DDX59: variants seen among roughly 807,000 people sequenced by gnomAD.
DDX59 encodes DEAD-box helicase 59.
Under a neutral mutation model 51.9 loss-of-function variants are expected in DDX59, and 30 were observed. The observed-to-expected ratio is 0.58, with a 90% CI of 0.43 to 0.78. The LOEUF is 0.78. Ranked by LOEUF, DDX59 falls within the 30% of genes least tolerant of loss-of-function variation. The pLI is 0.00. For synonymous variants in DDX59, 255 were observed against 253.3 expected, an observed-to-expected ratio of 1.01 and a Z score of -0.06; for missense variants, 672 against 730.8, an observed-to-expected ratio of 0.92 and a Z score of 0.93.
downstream of DDX59, among the ~76,000 whole-genome samples, chr1:200,642,225 G>C (rs182603933): frequency 1.4e-4 from 22 of 152,202 alleles, no homozygotes; most frequent in South Asian, 3.9e-3. Flanking sequence ...ATGTCTGAGA[G>C]TGTATGTGAT....
intron 3 of DDX59, among the ~76,000 whole-genome samples, chr1:200,660,473 C>G (rs1662307506): frequency 6.6e-6 from 1 of 152,004 alleles, no homozygotes; most frequent in African/African-American, 2.4e-5. Context: ...GGTGCTGCAG[C>G]CTGAGGGGCT....
rs1232012978 is a variant in DDX59, at chr1:200,659,127, G to A, written c.973-11C>T. On this transcript the variant is annotated splice_polypyrimidine_tract_variant and intron_variant, in intron 3 of 7. Coordinates refer to ENST00000331314, the MANE Select transcript of DDX59 (RefSeq NM_001031725.6). ...GGTTGCTATGATAACCTAAATAAAA[G>A]AGAAAAAGCAAATTAAAAAAATCAG... is the stretch of plus-strand genomic sequence containing the variant. 6.3e-7 allele frequency: 1 copy of A among 1,599,196 alleles called. No homozygotes were observed. The highest frequency in any genetic ancestry group is 1.3e-5 in the African/African-American group (1 of 74,124).
rs1662707085 is a variant in DDX59, at chr1:200,666,025, A to T, written c.716T>A (p.Leu239Gln). The stretch of plus-strand genomic sequence containing the variant: ...TGCACTGGCCAGAATGTCTCTTCCC[A>T]GAAGTCCCACAGGAATCATCTGCAT... ...IQMQMIPVGL[L>Q]GRDILASADT... Residue 239 changes from leucine to glutamine, a missense_variant, in exon 2 of 8, where the codon CTG becomes CAG. By Grantham distance (113) the Leu-to-Gln change is moderately radical. Coordinates refer to ENST00000331314, the MANE Select transcript of DDX59 (RefSeq NM_001031725.6). The T allele has an allele frequency of 1.2e-6, 2 of 1,614,216 alleles. No homozygotes were observed. Among genetic ancestry groups the T allele is most frequent in the East Asian group, 2.2e-5 (1 of 44,888 alleles).
In DDX59 at chr1:200,650,438, A is replaced by G. The variant is rs1201576681; in HGVS notation, c.1301T>C (p.Phe434Ser). ...VEDPAKKKKL[F>S]EILNDKKLFK... ...TTTACTACTCACATTTAAAATTTCA[A>G]ATAATTTTTTCTTTTTGGCTGGGTC... Residue 434 changes from phenylalanine (F) to serine (S), a missense_variant, in exon 5 of 8, where the codon TTT (phenylalanine) becomes TCT (serine). Coordinates refer to ENST00000331314, the MANE Select transcript of DDX59 (RefSeq NM_001031725.6). 6.2e-7 allele frequency: 1 copy of G among 1,612,162 alleles called. No individual in the cohort carries two copies. The highest frequency in any genetic ancestry group is 8.5e-7 in the Non-Finnish European group (1 of 1,178,982).
intron 5 of DDX59, among the ~76,000 whole-genome samples, chr1:200,649,630 A>C (rs78968958): frequency 6.7e-6 from 1 of 149,818 alleles, no homozygotes; most frequent in African/African-American, 2.4e-5. Context: ...TTCCGTCACA[A>C]AAAAAAAAAA....
chr1:200,644,610 T>C (rs1160219914), intron 7 of DDX59, 93 bp from the exon 8 acceptor site: 2 of 1,440,530 alleles, frequency 1.4e-6, no homozygotes, highest in African/African-American at 2.9e-5. Flanking sequence ...AAAGTAGCAT[T>C]ACTGGCTGGG....
chr1:200,653,489 G>A (rs1365370842), intron 4 of DDX59, among the ~76,000 whole-genome samples: 3 of 151,984 alleles, frequency 2.0e-5, no homozygotes, highest in Non-Finnish European at 2.9e-5. Flanking sequence ...TCGCAATCCC[G>A]TCACCCCCAT....
chr1:200,651,719 G>A (rs1661671945), intron 4 of DDX59, among the ~76,000 whole-genome samples: 1 of 152,146 alleles, frequency 6.6e-6, no homozygotes, highest in African/African-American at 2.4e-5. Flanking sequence ...TTTAAAGTTA[G>A]TGCTGCCAGC....
chr1:200,648,013 T>C (rs1442578980), intron 7 of DDX59, among the ~76,000 whole-genome samples: 1 of 130,232 alleles, frequency 7.7e-6, no homozygotes, highest in African/African-American at 2.9e-5. Context: ...CATACAGTTT[T>C]ATACACTGCT....
At chr1:200,663,767 TAAAA>T in intron 3 of DDX59, 148 bp downstream of exon 3, 22 of 586,440 alleles carry the variant, frequency 3.8e-5, no homozygotes, top group South Asian at 1.1e-4. Flanking sequence ...TAAAACAAAC[TAAAA>T]AAAAAAAAAA....
intron 4 of DDX59, among the ~76,000 whole-genome samples, chr1:200,651,100 A>G (rs1483171499): frequency 2.0e-5 from 3 of 152,178 alleles, no homozygotes; most frequent in Admixed American, 1.3e-4. Context: ...CAAAAATATT[A>G]TATGTATATA....
At chr1:200,660,991 C>T (rs551463498) in intron 3 of DDX59, among the ~76,000 whole-genome samples, 6 of 152,316 alleles carry the variant, frequency 3.9e-5, no homozygotes, top group African/African-American at 9.6e-5. Context: ...TAGCAATCAA[C>T]GCACATAGCC....
chr1:200,664,135 G>C, intron 2 of DDX59, 49 bp from the exon 3 acceptor site: 1 of 1,577,344 alleles, frequency 6.3e-7, no homozygotes, highest in Non-Finnish European at 8.6e-7. Flanking sequence ...ATTAATTCCT[G>C]CTGATATGAA....
At chr1:200,656,795 T>C (rs1027459330) in intron 4 of DDX59, among the ~76,000 whole-genome samples, 12 of 152,228 alleles carry the variant, frequency 7.9e-5, no homozygotes, top group African/African-American at 2.9e-4. Context: ...GGCTCACGCC[T>C]GTAATCCCAA....
At chr1:200,666,862 C>T in intron 1 of DDX59, 111 bp from the exon 2 acceptor site, 1 of 1,099,200 alleles carries the variant, frequency 9.1e-7, no homozygotes, top group Non-Finnish European at 1.3e-6. Context: ...AATCCCAGCA[C>T]TTTGGGAGGC....
At chr1:200,653,844 C>A (rs1661826763) in intron 4 of DDX59, among the ~76,000 whole-genome samples, 1 of 152,158 alleles carries the variant, frequency 6.6e-6, no homozygotes, top group Non-Finnish European at 1.5e-5. Flanking sequence ...TAAATGTCAT[C>A]TTCTCAGAGA....
chr1:200,641,160 A>G, downstream of DDX59: 4 of 1,304,204 alleles, frequency 3.1e-6, no homozygotes, highest in Non-Finnish European at 3.0e-6. Flanking sequence ...TATGGAGTAA[A>G]CTTCATATTG....
At chr1:200,667,789 A>T (rs1330061306) in intron 1 of DDX59, among the ~76,000 whole-genome samples, 1 of 151,698 alleles carries the variant, frequency 6.6e-6, no homozygotes, top group African/African-American at 2.4e-5. Context: ...AACCATGTAA[A>T]GCAGTTAGCA....
intron 1 of DDX59, among the ~76,000 whole-genome samples, chr1:200,667,954 T>C (rs1022775378): frequency 3.3e-5 from 5 of 152,172 alleles, no homozygotes; most frequent in Admixed American, 2.0e-4. Flanking sequence ...AACGTGTGTG[T>C]GTGTATAAAA....
Sources: gnomAD v4.1 joint callset for allele counts (sites outside exome capture counted in the v4.1 genomes callset) on GRCh38, gnomAD v4.1.1 for gene constraint, MANE v1.5 for transcripts, NCBI Gene and HGNC (gene_info 2026-07-23, HGNC 2026-07-21) for gene names.